The following PRKCZ variants were observed in gnomAD, a reference collection of about 807,000 sequenced individuals.
PRKCZ encodes the protein protein kinase C zeta type.
In PRKCZ, 33 loss-of-function variants were observed where a neutral mutation model predicts 79.5. That is an observed-to-expected ratio of 0.41 (90% CI 0.31 to 0.55). PRKCZ has a LOEUF of 0.55. Among genes scored for constraint, PRKCZ ranks in the 20% least tolerant of loss-of-function variants. PRKCZ has a pLI of 0.19. For missense variants in PRKCZ, 578 were observed against 813.5 expected, an observed-to-expected ratio of 0.71 and a Z score of 3.52; for synonymous variants, 342 against 320.9, an observed-to-expected ratio of 1.07 and a Z score of -0.70.
intron 1 of PRKCZ, chr1:2,050,908 C>T: frequency 2.6e-6 from 1 of 377,478 alleles, no homozygotes; most frequent in East Asian, 3.8e-5. Flanking sequence ...TTCCCCGGGA[C>T]CGGGTTTCCC....
chr1:2,140,124 C>T (rs1442644237), intron 5 of PRKCZ, among the ~76,000 whole-genome samples: 1 of 152,194 alleles, frequency 6.6e-6, no homozygotes, highest in East Asian at 1.9e-4. Flanking sequence ...CAGATTTGGT[C>T]CAAGCAGTGC....
chr1:2,148,493 C>T (rs1250177952), intron 7 of PRKCZ, among the ~76,000 whole-genome samples: 1 of 152,270 alleles, frequency 6.6e-6, no homozygotes, highest in African/African-American at 2.4e-5. Context: ...ACTGACCTCT[C>T]CATCTATCCG....
intron 4 of PRKCZ, among the ~76,000 whole-genome samples, chr1:2,097,763 G>T (rs1177965576): frequency 6.6e-6 from 1 of 152,170 alleles, no homozygotes; most frequent in Non-Finnish European, 1.5e-5. Context: ...ATAAATTTTG[G>T]GTGCTGCAAA....
intron 10 of PRKCZ, among the ~76,000 whole-genome samples, chr1:2,157,130 G>A (rs1681218269): frequency 6.6e-6 from 1 of 152,148 alleles, no homozygotes; most frequent in Non-Finnish European, 1.5e-5. Context: ...CCAGAAGGTG[G>A]ATAGCTCGGT....
chr1:2,081,106 G>A (rs147742033), intron 4 of PRKCZ, among the ~76,000 whole-genome samples: 29 of 152,330 alleles, frequency 1.9e-4, no homozygotes, highest in Middle Eastern at 3.4e-3. Flanking sequence ...TGAGGCGTGC[G>A]TGGCCCACAC....
chr1:2,115,880 A>G (rs909150202), intron 4 of PRKCZ, among the ~76,000 whole-genome samples: 7 of 152,144 alleles, frequency 4.6e-5, no homozygotes, highest in Non-Finnish European at 8.8e-5. Context: ...AGACCATGTC[A>G]TTGAGGGCTT....
At chr1:2,156,737 G>A (rs1175007932) in intron 10 of PRKCZ, 1 of 152,440 alleles carries the variant, frequency 6.6e-6, no homozygotes, top group African/African-American at 2.4e-5. Context: ...GAAGAAACCA[G>A]TCACAAGCTC....
chr1:2,097,466 G>T (rs1053861310), intron 4 of PRKCZ, among the ~76,000 whole-genome samples: 4 of 152,204 alleles, frequency 2.6e-5, no homozygotes, highest in Admixed American at 1.3e-4. Flanking sequence ...GTGGCCCGGC[G>T]ATCAACCTGA....
Position 2,165,696 on chromosome 1 carries a change from T to C in PRKCZ, c.975-3822T>C, listed in dbSNP as rs1044413964. ...GGCCGTGTTCCACCAGAACTTTCTG[T>C]ACACACATGGTGGTGGCCCGCCCGG... On this transcript the variant is annotated intron_variant, in intron 10 of 17. Transcript: ENST00000378567. The surrounding 1 kb of genome is among the most constrained non-coding windows in gnomAD (Gnocchi z 4.1). Among the ~76,000 whole-genome samples, 1 of 152,148 alleles carries C rather than the reference T, an allele frequency of 6.6e-6. No individual in the cohort carries two copies. The highest frequency in any genetic ancestry group is 1.5e-5 in the Non-Finnish European group (1 of 68,020).
At chr1:2,057,505 C>T (rs907270642) in intron 3 of PRKCZ, among the ~76,000 whole-genome samples, 6 of 152,210 alleles carry the variant, frequency 3.9e-5, no homozygotes, top group African/African-American at 1.4e-4. Context: ...CCATCATTCT[C>T]CTGGACACCG....
In PRKCZ at chr1:2,061,202, C is replaced by T. The variant is rs554545174; in HGVS notation, c.334+1611C>T. Among the ~76,000 whole-genome samples the T allele has an allele frequency of 5.3e-5, 8 of 152,326 alleles. No individual in the cohort carries two copies. The South Asian group carries it at 1.0e-3, about 20-fold the overall frequency. The stretch of plus-strand genomic sequence containing the variant: ...GTGCACTCCCAGAGGTATCCACATG[C>T]GGCCAGTGTAGCCCCTGGGCGCGGG... On this transcript the variant is annotated intron_variant, in intron 4 of 17. Coordinates refer to ENST00000378567, the MANE Select transcript of PRKCZ (RefSeq NM_002744.6).
intron 9 of PRKCZ, among the ~76,000 whole-genome samples, chr1:2,151,247 A>C (rs1679848772): frequency 6.6e-6 from 1 of 152,246 alleles, no homozygotes; most frequent in South Asian, 2.1e-4. Context: ...TGCACAGTGC[A>C]GCTCCTGCTC....
At chr1:2,180,506 A>G (rs919420293) in intron 16 of PRKCZ, among the ~76,000 whole-genome samples, 2 of 150,236 alleles carry the variant, frequency 1.3e-5, no homozygotes, top group Non-Finnish European at 2.9e-5. Flanking sequence ...GGACGCACAG[A>G]TGACGTGGAC....
intron 4 of PRKCZ, among the ~76,000 whole-genome samples, chr1:2,108,120 C>G (rs1410136288): frequency 2.6e-5 from 4 of 152,254 alleles, no homozygotes; most frequent in Admixed American, 2.0e-4. Context: ...CCCGCACTCT[C>G]AATAGACCTT....
At chr1:2,137,544 C>A (rs1217808168) in intron 5 of PRKCZ, among the ~76,000 whole-genome samples, 3 of 152,210 alleles carry the variant, frequency 2.0e-5, no homozygotes, top group Non-Finnish European at 4.4e-5. Context: ...TGTTCCTGTG[C>A]TGGCAGAGGA....
rs1233494048 is a variant in PRKCZ at position 2,067,754 on chromosome 1, C to T, written c.334+8163C>T. Among the ~76,000 whole-genome samples, 3 of 152,202 alleles carry T rather than the reference C, an allele frequency of 2.0e-5. No individual in the cohort carries two copies. The East Asian group carries it at 5.8e-4, about 29-fold the overall frequency. ...AGGCCAGTGTGTGGCCGGTAGATTCCCGGGTACCTCTTCTTTGCCCCTCCT... is the reference window on the plus strand; with the variant it reads ...AGGCCAGTGTGTGGCCGGTAGATTCTCGGGTACCTCTTCTTTGCCCCTCCT... On this transcript the variant is annotated intron_variant, in intron 4 of 17. Transcript: ENST00000378567.
At position 2,074,236 on chromosome 1, in the gene PRKCZ, A is replaced by T. The variant is rs372322715; in HGVS notation, c.334+14645A>T. ...TGTGGAGGGACCTTCTGAGCGAGGCAGGGGCTGCTGGAGGGACATGCTCAC... is the reference window on the plus strand; with the variant it reads ...TGTGGAGGGACCTTCTGAGCGAGGCTGGGGCTGCTGGAGGGACATGCTCAC... On this transcript the variant is annotated intron_variant, in intron 4 of 17. Transcript: ENST00000378567. 25 of 1,550,386 alleles carry T rather than the reference A, an allele frequency of 1.6e-5. No individual in the cohort carries two copies. In the African/African-American group the frequency reaches 3.1e-4, roughly 20 times the overall value.
intron 4 of PRKCZ, chr1:2,074,054 G>T: frequency 6.9e-7 from 1 of 1,448,560 alleles, no homozygotes; most frequent in Non-Finnish European, 9.1e-7. Flanking sequence ...TCCCGGCGTT[G>T]CCGCTGCCTG....
At chr1:2,145,437 C>T (rs1678295876) in intron 6 of PRKCZ, 1 of 152,338 alleles carries the variant, frequency 6.6e-6, no homozygotes, top group Non-Finnish European at 1.5e-5. Flanking sequence ...GCAAAATATC[C>T]CGTTGTATAA....
Sources: allele counts gnomAD v4.1 joint callset (sites outside exome capture counted in the v4.1 genomes callset), GRCh38; gene constraint gnomAD v4.1.1; non-coding constraint Gnocchi (gnomAD v3.1); transcripts MANE v1.5; gene names NCBI Gene and HGNC (gene_info 2026-07-23, HGNC 2026-07-21).